Variants in FRAS1 observed in about 807,000 individuals in gnomAD.
The protein encoded by FRAS1 is extracellular matrix organizing protein FRAS1.
A neutral mutation model predicts 435.2 loss-of-function variants in FRAS1; 290 were observed. The observed-to-expected ratio is 0.67, with a 90% CI of 0.61 to 0.73. The LOEUF (loss-of-function observed/expected upper bound fraction) is 0.73, where lower values mean the gene tolerates loss of function less well. Ranked by LOEUF, FRAS1 falls within the 30% of genes least tolerant of loss-of-function variation. The pLI is 0.00. For synonymous variants in FRAS1, 1,800 were observed against 1,851.0 expected (o/e 0.97, Z 0.71); for missense variants, 4,860 against 5,001.5 (o/e 0.97, Z 0.85).
intron 41 of FRAS1, among the ~76,000 whole-genome samples, chr4:78,443,166 T>G (rs1203310377): frequency 6.6e-6 from 1 of 152,082 alleles, no homozygotes; most frequent in Non-Finnish European, 1.5e-5. Context: ...CTGGGCAACA[T>G]AGCAAGACCT....
intron 2 of FRAS1, among the ~76,000 whole-genome samples, chr4:78,230,382 G>C (rs548029144): frequency 9.0e-4 from 137 of 152,276 alleles, no homozygotes; most frequent in African/African-American, 3.0e-3. Context: ...TTTTCTTAGC[G>C]GTAAGTGTCC....
At chr4:78,493,659 G>A (rs1720431506) in intron 59 of FRAS1, among the ~76,000 whole-genome samples, 1 of 152,078 alleles carries the variant, frequency 6.6e-6, no homozygotes, top group Non-Finnish European at 1.5e-5. Flanking sequence ...CTGTCTGGGT[G>A]GTGGGGGGCT....
intron 2 of FRAS1, 85 bp from the exon 3 acceptor site, chr4:78,237,425 G>C (rs1344183410): frequency 1.1e-6 from 1 of 884,096 alleles, no homozygotes; most frequent in African/African-American, 1.6e-5. Flanking sequence ...AATTGTCCAG[G>C]ATGTGGGACT....
At chr4:78,175,173 T>G (rs1274872985) in intron 2 of FRAS1, among the ~76,000 whole-genome samples, 1 of 152,224 alleles carries the variant, frequency 6.6e-6, no homozygotes, top group Non-Finnish European at 1.5e-5. Context: ...AGGCTACTTT[T>G]TGTTGGGGCG....
At chr4:78,505,843 T>C (rs559862499) in intron 61 of FRAS1, among the ~76,000 whole-genome samples, 53 of 152,350 alleles carry the variant, frequency 3.5e-4, no homozygotes, top group African/African-American at 1.2e-3. Flanking sequence ...TTTTCTGTTC[T>C]GGTTTATCCC....
intron 5 of FRAS1, among the ~76,000 whole-genome samples, chr4:78,253,997 T>TTGTCTTTACTTATTA (rs1553934578): frequency 2.6e-5 from 4 of 151,354 alleles, no homozygotes; most frequent in African/African-American, 9.7e-5. Flanking sequence ...CTTTACTTAT[T>TTGTCTTTACTTATTA]TGTCTTTATT....
chr4:78,286,212 C>T (rs752159548), intron 13 of FRAS1, 193 bp from the exon 14 acceptor site: 36 of 708,308 alleles, frequency 5.1e-5, no homozygotes, highest in South Asian at 3.4e-4. Flanking sequence ...AATTCATATA[C>T]GTAAAGCACT....
chr4:78,150,552 A>T (rs1720605752), intron 2 of FRAS1, among the ~76,000 whole-genome samples: 1 of 152,200 alleles, frequency 6.6e-6, no homozygotes, highest in African/African-American at 2.4e-5. Context: ...TCAAAGCGGA[A>T]ATACATTCCA....
chr4:78,440,659 C>T (rs1266633132), intron 40 of FRAS1, among the ~76,000 whole-genome samples: 1 of 152,222 alleles, frequency 6.6e-6, no homozygotes, highest in East Asian at 1.9e-4. Flanking sequence ...CACTAGCTTT[C>T]AGATATGGTG....
In FRAS1 at chr4:78,308,221, G is replaced by A. The variant is rs746598211; in HGVS notation, c.1678+12G>A. The A allele has an allele frequency of 3.7e-6, 6 of 1,612,394 alleles. No homozygotes were observed. Among genetic ancestry groups the A allele is most frequent in the South Asian group, 1.1e-5 (1 of 90,862 alleles). ...GGGCACCTGTAGCGGTGAGTGCTGG[G>A]TTGCGATGCTGACGTGTCCTTTCCT... is the stretch of plus-strand genomic sequence containing the variant. On this transcript the variant is annotated intron_variant, in intron 15 of 73. Coordinates refer to ENST00000512123, the MANE Select transcript of FRAS1 (RefSeq NM_025074.7).
chr4:78,326,551 A>G (rs960491703), intron 18 of FRAS1, among the ~76,000 whole-genome samples: 11 of 152,182 alleles, frequency 7.2e-5, no homozygotes, highest in Non-Finnish European at 1.3e-4. Context: ...GCAGAGTAGT[A>G]TTTTGGAAGT....
chr4:78,143,345 G>C (rs761799477), intron 2 of FRAS1, among the ~76,000 whole-genome samples: 6 of 151,840 alleles, frequency 4.0e-5, no homozygotes, highest in Non-Finnish European at 7.4e-5. Context: ...AAAGCAAAAA[G>C]TAACAGAACT....
intron 44 of FRAS1, among the ~76,000 whole-genome samples, chr4:78,449,248 C>T (rs1718945660): frequency 1.3e-5 from 2 of 152,164 alleles, no homozygotes; most frequent in Non-Finnish European, 2.9e-5. Flanking sequence ...GTAGAGGGCC[C>T]AGACAGACAC....
At chr4:78,175,108 C>T (rs1721708774) in intron 2 of FRAS1, among the ~76,000 whole-genome samples, 1 of 152,196 alleles carries the variant, frequency 6.6e-6, no homozygotes, top group African/African-American at 2.4e-5. Flanking sequence ...TGCTCTCCAC[C>T]GGCCCCATCC....
Position 78,357,292 on chromosome 4 carries a change from C to T in FRAS1, c.2423-6221C>T, listed in dbSNP as rs117180306. ...TTCTACAGGACGTTTGTAACAGTCT[C>T]ATGCCAGTCCTCCACCTCAGTGTCC... On this transcript the variant is annotated intron_variant, in intron 20 of 73. Coordinates refer to ENST00000512123, the MANE Select transcript of FRAS1 (RefSeq NM_025074.7). Among the ~76,000 whole-genome samples, 571 of 152,280 alleles carry T rather than the reference C, an allele frequency of 3.7e-3. 3 individuals carry two copies. Among genetic ancestry groups the T allele is most frequent in the East Asian group, 0.032 (166 of 5,168 alleles).
Position 78,374,144 on chromosome 4 carries a change from C to G in FRAS1, c.3044C>G (p.Pro1015Arg). 1 of 1,604,792 alleles carries G rather than the reference C, an allele frequency of 6.2e-7. No homozygotes were observed. The highest frequency in any genetic ancestry group is 8.5e-7 in the Non-Finnish European group (1 of 1,173,164). Residue 1015 changes from proline to arginine, a missense_variant, in exon 25 of 74, where the codon CCC (proline) becomes CGC (arginine). By Grantham distance (103) the Pro-to-Arg change is moderately radical. Coordinates refer to ENST00000512123, the MANE Select transcript of FRAS1 (RefSeq NM_025074.7). The part of the protein sequence containing the change: ...CDSYCLQCQG[P>R]HECTRCKGPF... ...AGCTACTGTCTCCAGTGCCAAGGTC[C>G]CCATGAGTGTACCCGCTGCAAAGGG...
chr4:78,491,962 A>T (rs980078455), intron 59 of FRAS1, among the ~76,000 whole-genome samples: 1 of 152,246 alleles, frequency 6.6e-6, no homozygotes, highest in Non-Finnish European at 1.5e-5. Context: ...AAGTTTCAGG[A>T]TACAAAATCA....
At chr4:78,479,340 C>G in intron 55 of FRAS1, 34 bp from the exon 56 acceptor site, 1 of 1,391,910 alleles carries the variant, frequency 7.2e-7, no homozygotes, top group Non-Finnish European at 9.5e-7. Context: ...AGCACTCATT[C>G]AAATGCTTTG....
At position 78,496,441 on chromosome 4, in the gene FRAS1, A is replaced by G. The variant is rs192998996; in HGVS notation, c.8959-364A>G. On this transcript the variant is annotated intron_variant, in intron 59 of 73. Coordinates refer to ENST00000512123, the MANE Select transcript of FRAS1 (RefSeq NM_025074.7). The stretch of plus-strand genomic sequence containing the variant: ...GTATGTTAAACCCCCGTCATCAGAA[A>G]TCTACCTATTTTAATATGTGAAATG... Among the ~76,000 whole-genome samples the G allele has an allele frequency of 2.1e-3, 324 of 152,348 alleles. 1 individual carries two copies. The highest frequency in any genetic ancestry group is 7.5e-3 in the African/African-American group (312 of 41,580).
Sources: gnomAD v4.1 joint callset for allele counts (sites outside exome capture counted in the v4.1 genomes callset) on GRCh38, gnomAD v4.1.1 for gene constraint, MANE v1.5 for transcripts, NCBI Gene and HGNC (gene_info 2026-07-23, HGNC 2026-07-21) for gene names.